The following HERC1 variants were observed in gnomAD, a reference collection of about 807,000 sequenced individuals.
HERC1 encodes HECT and RLD domain containing E3 ubiquitin protein ligase family member 1.
In HERC1, 160 loss-of-function variants were observed where a neutral mutation model predicts 554.3. That is an observed-to-expected ratio of 0.29 (90% CI 0.25 to 0.33). HERC1 has a LOEUF of 0.33. HERC1 is among the 10% of genes least tolerant of loss of function. The probability of loss-of-function intolerance (pLI) is 1.00; values close to 1 mark genes in which losing one functional copy is unlikely to be tolerated. For missense variants in HERC1, 4,919 were observed against 5,918.5 expected (o/e 0.83, Z 5.54); for synonymous variants, 2,175 against 2,131.7 (o/e 1.02, Z -0.56).
chr15:63,706,035 A>AC (rs1418505939), intron 25 of HERC1, among the ~76,000 whole-genome samples: 19 of 150,180 alleles, frequency 1.3e-4, no homozygotes, highest in African/African-American at 4.4e-4. Flanking sequence ...GTCTCCAAAA[A>AC]AAAAAAAAAA....
chr15:63,686,472 C>T lies in HERC1; in HGVS notation c.6112G>A (p.Glu2038Lys). 1 of 1,613,898 alleles carries T rather than the reference C, an allele frequency of 6.2e-7. No homozygotes were observed. Among genetic ancestry groups the T allele is most frequent in the Non-Finnish European group, 8.5e-7 (1 of 1,179,818 alleles). ...LPIQEVSFDP[E>K]KAQCCLVENG... ...TCCACTAGGCAACACTGAGCTTTCT[C>T]CGGGTCAAAGGATACTTCTTGGATA... The change falls in exon 34 of 78, where the codon GAG becomes AAG. Residue 2038 changes from glutamate (E) to lysine (K), a missense_variant. Around this residue, in one of 11 missense-constraint regions of HERC1, gnomAD observed 1,121 missense variants for 1,244.0 expected, o/e 0.90. Coordinates refer to ENST00000443617, the MANE Select transcript of HERC1 (RefSeq NM_003922.4).
intron 19 of HERC1, among the ~76,000 whole-genome samples, chr15:63,720,103 C>CTTTTTTGTTTTTTTTTTTTTTT (rs2073748743): frequency 1.4e-5 from 1 of 71,608 alleles, no homozygotes; most frequent in Non-Finnish European, 2.7e-5. Flanking sequence ...TTTTTCTTCC[C>CTTTTTTGTTTTTTTTTTTTTTT]TTTTTTTTTT....
intron 1 of HERC1, among the ~76,000 whole-genome samples, chr15:63,792,753 C>T (rs963576810): frequency 6.6e-6 from 1 of 152,158 alleles, no homozygotes; most frequent in African/African-American, 2.4e-5. Flanking sequence ...CAGACGCTAG[C>T]TGGGTGTCTT....
At chr15:63,614,515 T>G (rs1187014463) in intron 76 of HERC1, among the ~76,000 whole-genome samples, 1 of 152,204 alleles carries the variant, frequency 6.6e-6, no homozygotes, top group Non-Finnish European at 1.5e-5. Flanking sequence ...CCAACTTCAC[T>G]AGGCTAAAGA....
At chr15:63,628,650 C>A in intron 70 of HERC1, 27 bp downstream of exon 70, 1 of 1,591,832 alleles carries the variant, frequency 6.3e-7, no homozygotes, top group Non-Finnish European at 8.5e-7. Context: ...AGAAACGCTG[C>A]AGGAGCATGA....
At chr15:63,832,362 G>C (rs1223434005) in intron 1 of HERC1, among the ~76,000 whole-genome samples, 1 of 151,986 alleles carries the variant, frequency 6.6e-6, no homozygotes, top group East Asian at 1.9e-4. Flanking sequence ...TATAAACGCA[G>C]GCTATGGAAA....
At chr15:63,716,205 A>T in intron 22 of HERC1, 97 bp downstream of exon 22, 1 of 1,166,468 alleles carries the variant, frequency 8.6e-7, no homozygotes, top group Non-Finnish European at 1.2e-6. Context: ...CCTTTTAGAA[A>T]AACTATGGAG....
At chr15:63,741,025 G>GT (rs796687670) in intron 12 of HERC1, among the ~76,000 whole-genome samples, 498 of 146,536 alleles carry the variant, frequency 3.4e-3, no homozygotes, top group Non-Finnish European at 4.6e-3. Context: ...CATCTATGTT[G>GT]TTTTTTTTTT....
chr15:63,713,616 G>A lies in HERC1; in HGVS notation c.4200C>T (p.Asp1400=). The change falls in exon 23 of 78, where the codon GAC becomes GAT. Residue 1400 remains aspartate, a synonymous_variant. Transcript: ENST00000443617. ...CTGCCCCACTGTTCATTCTATCTCG[G>A]TCTCGGCTACGAGCTACTTCACGGG... ...LSAREVARSR[D]RDRMNSGAGS... 1 of 1,613,320 alleles carries A rather than the reference G, an allele frequency of 6.2e-7. No homozygotes were observed. The highest frequency in any genetic ancestry group is 8.5e-7 in the Non-Finnish European group (1 of 1,179,638).
intron 3 of HERC1, among the ~76,000 whole-genome samples, chr15:63,763,088 C>T (rs2075662822): frequency 6.6e-6 from 1 of 152,182 alleles, no homozygotes; most frequent in African/African-American, 2.4e-5. Flanking sequence ...CCTTTGTGGG[C>T]TCCACAATAG....
intron 3 of HERC1, among the ~76,000 whole-genome samples, chr15:63,763,082 T>A (rs959074505): frequency 6.6e-6 from 1 of 152,248 alleles, no homozygotes; most frequent in Non-Finnish European, 1.5e-5. Flanking sequence ...TCAGGGCCTT[T>A]GTGGGCTCCA....
chr15:63,785,769 TAAAGAAGG>T (rs1448772938), intron 1 of HERC1, among the ~76,000 whole-genome samples: 1 of 150,332 alleles, frequency 6.7e-6, no homozygotes, highest in Non-Finnish European at 1.5e-5. Context: ...TGTCTCTAAA[TAAAGAAGG>T]AAAGAAGGAA....
chr15:63,801,008 T>C (rs75179657), intron 1 of HERC1, among the ~76,000 whole-genome samples: 3 of 152,166 alleles, frequency 2.0e-5, no homozygotes, highest in Non-Finnish European at 1.5e-5. Flanking sequence ...GCCTACGTAA[T>C]GCAGCTTCCA....
At chr15:63,655,237 C>T (rs1183767332) in intron 50 of HERC1, among the ~76,000 whole-genome samples, 2 of 152,058 alleles carry the variant, frequency 1.3e-5, no homozygotes, top group Non-Finnish European at 2.9e-5. Flanking sequence ...GCCTGTAATC[C>T]CAGCTACTTG....
chr15:63,759,795 T>C (rs2075548049), intron 3 of HERC1, among the ~76,000 whole-genome samples: 1 of 152,234 alleles, frequency 6.6e-6, no homozygotes, highest in Admixed American at 6.5e-5. Flanking sequence ...ATTAGTTTGC[T>C]AGCACATGAA....
In HERC1 at chr15:63,712,910, CA is replaced by C. The variant is rs369792267; in HGVS notation, c.4464-16del. On this transcript the variant is annotated splice_polypyrimidine_tract_variant and intron_variant, in intron 23 of 77. Coordinates refer to ENST00000443617, the MANE Select transcript of HERC1 (RefSeq NM_003922.4). The stretch of plus-strand genomic sequence containing the variant: ...GACTTTCACTCCTGTCTCACATGTA[CA>C]AAAAAAAAAGTTTTTTGATTTAGGA... 1,782 of 1,399,280 alleles carry C rather than the reference CA, an allele frequency of 1.3e-3. No homozygotes were observed. The highest frequency in any genetic ancestry group is 3.9e-3 in the Admixed American group (184 of 46,774). The allele number at this position is 1,399,280 out of a possible 1,614,324, so 86.7% of individuals were successfully genotyped here. A position where few individuals can be genotyped will look rare whatever the true frequency, so the allele number is the denominator to read the frequency against.
At chr15:63,811,491 G>A (rs1026752486) in intron 1 of HERC1, among the ~76,000 whole-genome samples, 6 of 152,076 alleles carry the variant, frequency 3.9e-5, no homozygotes, top group African/African-American at 9.7e-5. Flanking sequence ...AGCTGAATCA[G>A]GCACAGCTGA....
At chr15:63,790,556 C>T (rs988813438) in intron 1 of HERC1, among the ~76,000 whole-genome samples, 3 of 151,550 alleles carry the variant, frequency 2.0e-5, no homozygotes, top group South Asian at 2.1e-4. Flanking sequence ...CCAGCCTGGG[C>T]GACACAGCAA....
chr15:63,700,708 C>CCAAAAAAA (rs2072669181), intron 25 of HERC1, among the ~76,000 whole-genome samples: 1 of 64,582 alleles, frequency 1.5e-5, no homozygotes, highest in Non-Finnish European at 3.2e-5. Context: ...GACCCTGCCT[C>CCAAAAAAA]AAAAAAAAAA....
Sources: gnomAD v4.1 joint callset for allele counts (sites outside exome capture counted in the v4.1 genomes callset) on GRCh38, gnomAD v4.1.1 for gene constraint, gnomAD v4.1.1 regional missense constraint, MANE v1.5 for transcripts, NCBI Gene and HGNC (gene_info 2026-07-23, HGNC 2026-07-21) for gene names.